RAPGEF5: variants seen among roughly 807,000 people sequenced by gnomAD.
The protein encoded by RAPGEF5 is M-Ras-regulated GEF.
In RAPGEF5, 65 loss-of-function variants were observed where a neutral mutation model predicts 125.2. The observed-to-expected ratio is 0.52, with a 90% CI of 0.43 to 0.64. RAPGEF5 has a LOEUF of 0.64. Ranked by LOEUF, RAPGEF5 falls within the 30% of genes least tolerant of loss-of-function variation. The probability of loss-of-function intolerance (pLI) is 0.00; values close to 1 mark genes in which losing one functional copy is unlikely to be tolerated. For missense variants in RAPGEF5, 958 were observed against 1,048.1 expected (o/e 0.91, Z 1.19); for synonymous variants, 391 against 385.9 (o/e 1.01, Z -0.16).
intron 10 of RAPGEF5, 40 bp downstream of exon 10, chr7:22,193,875 A>G: frequency 3.7e-6 from 6 of 1,612,312 alleles, no homozygotes; most frequent in Non-Finnish European, 5.1e-6. Context: ...GGAAAAGGAA[A>G]CGGGAGCGCG....
At chr7:22,354,730 A>C (rs1389033413) in intron 1 of RAPGEF5, among the ~76,000 whole-genome samples, 1 of 152,170 alleles carries the variant, frequency 6.6e-6, no homozygotes. Context: ...TGCGTTTACC[A>C]AGGGAAGGCC....
chr7:22,241,960 A>ATG (rs1786342633), intron 7 of RAPGEF5, among the ~76,000 whole-genome samples: 1 of 152,150 alleles, frequency 6.6e-6, no homozygotes, highest in South Asian at 2.1e-4. Flanking sequence ...CTCTCCTGCG[A>ATG]TGCTAAGTTG....
chr7:22,310,146 AAAAC>A, intron 3 of RAPGEF5, 56 bp from the exon 4 acceptor site: 1 of 1,428,866 alleles, frequency 7.0e-7, no homozygotes, highest in South Asian at 1.6e-5. Context: ...GTTTGCCAAA[AAAAC>A]AAAAATGATA....
intron 7 of RAPGEF5, among the ~76,000 whole-genome samples, chr7:22,246,287 G>A (rs117911386): frequency 0.096 from 14,541 of 152,012 alleles, 787 homozygotes; most frequent in Middle Eastern, 0.12. Context: ...TAAGCAAAAG[G>A]AACAAAGCCA....
intron 4 of RAPGEF5, among the ~76,000 whole-genome samples, chr7:22,309,676 GAA>G (rs1783424559): frequency 6.6e-6 from 1 of 152,040 alleles, no homozygotes; most frequent in South Asian, 2.1e-4. Flanking sequence ...CACTGATTTT[GAA>G]AAAAGTTTGT....
At chr7:22,210,286 A>T (rs557260986) in intron 9 of RAPGEF5, among the ~76,000 whole-genome samples, 275 of 152,344 alleles carry the variant, frequency 1.8e-3, no homozygotes, top group Non-Finnish European at 3.2e-3. Context: ...TTTATTATGC[A>T]TTGTGCCATT....
Position 22,162,368 on chromosome 7 carries a change from T to A in RAPGEF5, c.1428+29A>T, listed in dbSNP as rs1033034472. ...TAAAAATAGAATCAGTTATTTGGCATCAAAGAATATCTGGAAATGTTTGAT... is the reference window on the plus strand; with the variant it reads ...TAAAAATAGAATCAGTTATTTGGCAACAAAGAATATCTGGAAATGTTTGAT... On this transcript the variant is annotated intron_variant, in intron 13 of 25. Coordinates refer to ENST00000665637, the MANE Select transcript of RAPGEF5 (RefSeq NM_012294.5). 18 of 1,530,810 alleles carry A rather than the reference T, an allele frequency of 1.2e-5. No homozygotes were observed. The East Asian group carries it at 4.1e-4, about 35-fold the overall frequency. The allele number at this position is 1,530,810 out of a possible 1,614,324, so 94.8% of individuals were successfully genotyped here. A position where few individuals can be genotyped will look rare whatever the true frequency, so the allele number is the denominator to read the frequency against.
At chr7:22,249,065 G>A (rs1786551687) in intron 7 of RAPGEF5, among the ~76,000 whole-genome samples, 1 of 152,186 alleles carries the variant, frequency 6.6e-6, no homozygotes, top group African/African-American at 2.4e-5. Flanking sequence ...TTTATTTAAT[G>A]AAAGTTAGCT....
At chr7:22,183,234 A>G (rs1156752225) in intron 11 of RAPGEF5, among the ~76,000 whole-genome samples, 1 of 132,804 alleles carries the variant, frequency 7.5e-6, no homozygotes, top group Admixed American at 9.3e-5. Context: ...GTGCCATTGC[A>G]CTCCAGCCTG....
At chr7:22,331,961 T>A (rs1282204508) in intron 1 of RAPGEF5, among the ~76,000 whole-genome samples, 2 of 152,102 alleles carry the variant, frequency 1.3e-5, no homozygotes, top group African/African-American at 4.8e-5. Context: ...TTGTTAAAAT[T>A]CTAGGGTAAA....
chr7:22,273,089 T>C (rs562395537), intron 6 of RAPGEF5, among the ~76,000 whole-genome samples: 1 of 152,206 alleles, frequency 6.6e-6, no homozygotes, highest in South Asian at 2.1e-4. Context: ...CCAAATAGTT[T>C]ATTTAACAGA....
intron 11 of RAPGEF5, among the ~76,000 whole-genome samples, chr7:22,176,088 G>A (rs1464248627): frequency 6.6e-6 from 1 of 152,128 alleles, no homozygotes; most frequent in African/African-American, 2.4e-5. Context: ...AATCACAGTA[G>A]GGGATGAAAG....
At chr7:22,342,376 C>G (rs750410823) in intron 1 of RAPGEF5, among the ~76,000 whole-genome samples, 1 of 152,226 alleles carries the variant, frequency 6.6e-6, no homozygotes, top group East Asian at 1.9e-4. Context: ...GTAAAGGTCT[C>G]TGACACCTTG....
At chr7:22,224,493 G>A (rs1161592725) in intron 8 of RAPGEF5, among the ~76,000 whole-genome samples, 2 of 152,094 alleles carry the variant, frequency 1.3e-5, no homozygotes, top group African/African-American at 4.8e-5. Context: ...TTAATACACT[G>A]TCCTGGCGGT....
chr7:22,177,766 A>G (rs1784553940), intron 11 of RAPGEF5, among the ~76,000 whole-genome samples: 1 of 152,218 alleles, frequency 6.6e-6, no homozygotes, highest in African/African-American at 2.4e-5. Context: ...CCTCAGCAAG[A>G]TGATGTCTGA....
chr7:22,171,167 TAG>T (rs1439920753), intron 11 of RAPGEF5, among the ~76,000 whole-genome samples: 4 of 152,188 alleles, frequency 2.6e-5, no homozygotes, highest in Non-Finnish European at 5.9e-5. Context: ...CATTGGTATT[TAG>T]AGATATTTTT....
In RAPGEF5 at chr7:22,251,114, T is replaced by C. The variant is rs555051870; in HGVS notation, c.796+15850A>G. Among the ~76,000 whole-genome samples, 149 of 152,338 alleles carry C rather than the reference T, an allele frequency of 9.8e-4. 1 individual carries two copies. Among genetic ancestry groups the C allele is most frequent in the Middle Eastern group, 6.8e-3 (2 of 294 alleles). On this transcript the variant is annotated intron_variant, in intron 7 of 25. Coordinates refer to ENST00000665637, the MANE Select transcript of RAPGEF5 (RefSeq NM_012294.5). ...CATGATTTTAGCCATTAAAGTTTTC[T>C]GTTTAATTATGTGATCTCCTAATAT...
intron 1 of RAPGEF5, among the ~76,000 whole-genome samples, chr7:22,344,247 C>T (rs9639426): frequency 0.088 from 13,433 of 152,234 alleles, 749 homozygotes; most frequent in South Asian, 0.16. Context: ...ACACCTCCCA[C>T]TGTCACATTT....
At chr7:22,261,456 A>T (rs1453458328) in intron 7 of RAPGEF5, among the ~76,000 whole-genome samples, 1 of 152,048 alleles carries the variant, frequency 6.6e-6, no homozygotes, top group Non-Finnish European at 1.5e-5. Context: ...AAAATAAAAA[A>T]AATTAGGTAG....
Sources: allele counts gnomAD v4.1 joint callset (sites outside exome capture counted in the v4.1 genomes callset), GRCh38; gene constraint gnomAD v4.1.1; transcripts MANE v1.5; gene names NCBI Gene and HGNC (gene_info 2026-07-23, HGNC 2026-07-21).